The following ZMYND11 variants were observed in gnomAD, a reference collection of about 807,000 sequenced individuals.
The protein encoded by ZMYND11 is zinc finger MYND domain-containing protein 11.
ZMYND11 carries 9 observed loss-of-function variants against 84.9 expected under a neutral mutation model. That is an observed-to-expected ratio of 0.11 (90% CI 0.06 to 0.18). The LOEUF (loss-of-function observed/expected upper bound fraction) is 0.18. ZMYND11 is among the 10% of genes least tolerant of loss of function. The pLI, the probability that ZMYND11 is intolerant of heterozygous loss-of-function variation, is 1.00. For synonymous variants in ZMYND11, 250 were observed against 244.1 expected (o/e 1.02, Z -0.23); for missense variants, 409 against 761.0 (o/e 0.54, Z 5.44).
intron 3 of ZMYND11, among the ~76,000 whole-genome samples, chr10:217,125 C>T (rs200701658): frequency 2.0e-5 from 3 of 152,128 alleles, no homozygotes; most frequent in Admixed American, 1.3e-4. Context: ...CTTTAGAACA[C>T]TATTCAAACA....
At chr10:205,655 A>AC (rs1179762987) in intron 2 of ZMYND11, among the ~76,000 whole-genome samples, 1 of 152,138 alleles carries the variant, frequency 6.6e-6, no homozygotes, top group Non-Finnish European at 1.5e-5. Context: ...GTGCTATTGT[A>AC]CTGCAGCCTG....
intron 1 of ZMYND11, among the ~76,000 whole-genome samples, chr10:177,585 T>G (rs1199848735): frequency 6.6e-6 from 1 of 152,210 alleles, no homozygotes; most frequent in African/African-American, 2.4e-5. Flanking sequence ...GGTTATGTTA[T>G]ATAAATAGTT....
chr10:168,128 A>G (rs1844442770), intron 1 of ZMYND11, among the ~76,000 whole-genome samples: 1 of 152,136 alleles, frequency 6.6e-6, no homozygotes, highest in Non-Finnish European at 1.5e-5. Flanking sequence ...GGATGCTTTA[A>G]AAAACTGACA....
intron 4 of ZMYND11, among the ~76,000 whole-genome samples, chr10:227,717 A>G (rs1948365405): frequency 6.6e-6 from 1 of 152,188 alleles, no homozygotes; most frequent in Admixed American, 6.5e-5. Flanking sequence ...TGCTGAATGA[A>G]AATACTTTGA....
chr10:232,439 A>C (rs967443489), intron 4 of ZMYND11, among the ~76,000 whole-genome samples: 5 of 152,236 alleles, frequency 3.3e-5, no homozygotes, highest in Non-Finnish European at 7.3e-5. Context: ...ATCTTACAGC[A>C]AATGTTTTGT....
At chr10:246,209 GT>G (rs1326003864) in intron 10 of ZMYND11, among the ~76,000 whole-genome samples, 7 of 152,212 alleles carry the variant, frequency 4.6e-5, no homozygotes, top group African/African-American at 1.7e-4. Context: ...TGTTCATCTG[GT>G]TTCTCTAATG....
intron 6 of ZMYND11, among the ~76,000 whole-genome samples, chr10:238,581 C>G (rs775097780): frequency 9.9e-5 from 15 of 152,176 alleles, no homozygotes; most frequent in Non-Finnish European, 1.9e-4. Flanking sequence ...TGGTCTCGAT[C>G]TCCTGACCTC....
chr10:177,525 G>A (rs1465831883), intron 1 of ZMYND11, among the ~76,000 whole-genome samples: 3 of 152,050 alleles, frequency 2.0e-5, no homozygotes, highest in African/African-American at 7.2e-5. Context: ...CTGGGAATCT[G>A]TGACATCACT....
At chr10:226,406 C>T (rs1316588612) in intron 4 of ZMYND11, among the ~76,000 whole-genome samples, 2 of 149,046 alleles carry the variant, frequency 1.3e-5, no homozygotes, top group Non-Finnish European at 3.0e-5. Flanking sequence ...ATAATTGGCA[C>T]TTTTTAGGTT....
At chr10:216,314 G>A (rs1589021563) in intron 3 of ZMYND11, among the ~76,000 whole-genome samples, 1 of 152,298 alleles carries the variant, frequency 6.6e-6, no homozygotes, top group Non-Finnish European at 1.5e-5. Flanking sequence ...GCATATTACA[G>A]TGAGAATTTC....
intron 1 of ZMYND11, among the ~76,000 whole-genome samples, chr10:142,696 G>A (rs1837769013): frequency 6.6e-6 from 1 of 152,124 alleles, no homozygotes; most frequent in South Asian, 2.1e-4. Flanking sequence ...TTATAAGTCT[G>A]CAAAAGTACG....
chr10:245,435 G>T (rs1951922093), intron 10 of ZMYND11, among the ~76,000 whole-genome samples: 1 of 152,136 alleles, frequency 6.6e-6, no homozygotes, highest in Non-Finnish European at 1.5e-5. Flanking sequence ...AGGATTTCTG[G>T]AGCGCTATAA....
intron 4 of ZMYND11, among the ~76,000 whole-genome samples, chr10:231,320 C>T (rs1001290031): frequency 2.0e-5 from 3 of 152,208 alleles, no homozygotes; most frequent in Admixed American, 6.5e-5. Context: ...CATTTAATCA[C>T]AGACATGGGG....
At chr10:235,192 A>G (rs1168880538) in intron 4 of ZMYND11, among the ~76,000 whole-genome samples, 2 of 152,044 alleles carry the variant, frequency 1.3e-5, no homozygotes, top group African/African-American at 4.8e-5. Flanking sequence ...TGGCTAACCA[A>G]TGCTGCTGAC....
At chr10:172,511 C>T (rs540973527) in intron 1 of ZMYND11, among the ~76,000 whole-genome samples, 4 of 152,090 alleles carry the variant, frequency 2.6e-5, no homozygotes, top group East Asian at 1.9e-4. Context: ...CATTAGTACC[C>T]CCGAAATGAA....
chr10:217,865 G>C (rs1234228480), intron 3 of ZMYND11, among the ~76,000 whole-genome samples: 1 of 152,182 alleles, frequency 6.6e-6, no homozygotes, highest in Non-Finnish European at 1.5e-5. Flanking sequence ...GCCAGGATTT[G>C]AATCAATCGA....
rs138877430 is a variant in ZMYND11 at position 169,487 on chromosome 10, A to G, written c.-19-10507A>G. The stretch of plus-strand genomic sequence containing the variant: ...AGTCAGATATGGCAGGAATGTTGGA[A>G]TAATCAGACCAGGGGTTATTAAAAA... On this transcript the variant is annotated intron_variant, in intron 1 of 14. Transcript: ENST00000381604. Among the ~76,000 whole-genome samples the G allele has an allele frequency of 1.9e-3, 294 of 152,336 alleles. 2 individuals carry two copies. Among genetic ancestry groups the G allele is most frequent in the African/African-American group, 6.8e-3 (284 of 41,580 alleles).
chr10:208,779 A>G (rs967255032), intron 2 of ZMYND11, among the ~76,000 whole-genome samples: 2 of 152,178 alleles, frequency 1.3e-5, no homozygotes, highest in African/African-American at 4.8e-5. Context: ...AATGAGGTGG[A>G]GAAGGAAGAA....
chr10:239,605 C>A, intron 7 of ZMYND11, 80 bp downstream of exon 7: 2 of 999,114 alleles, frequency 2.0e-6, no homozygotes, highest in Non-Finnish European at 3.1e-6. Context: ...TTTTATAAAA[C>A]ATTACTTTCA....
Sources: gnomAD v4.1 joint callset for allele counts (sites outside exome capture counted in the v4.1 genomes callset) on GRCh38, gnomAD v4.1.1 for gene constraint, MANE v1.5 for transcripts, NCBI Gene and HGNC (gene_info 2026-07-23, HGNC 2026-07-21) for gene names.